Variants in CSMD1 observed in about 807,000 individuals in gnomAD.
The protein encoded by CSMD1 is CUB and Sushi multiple domains 1, also known as CUB and sushi domain-containing protein 1.
CSMD1 carries 213 observed loss-of-function variants against 417.5 expected under a neutral mutation model. The observed-to-expected ratio is 0.51, with a 90% CI of 0.46 to 0.57. The LOEUF (loss-of-function observed/expected upper bound fraction) is 0.57, where lower values mean the gene tolerates loss of function less well. CSMD1 is among the 20% of genes least tolerant of loss of function. CSMD1 has a pLI of 0.00. For synonymous variants in CSMD1, 2,862 were observed against 1,736.8 expected (o/e 1.65, Z -16.11); for missense variants, 6,923 against 4,529.7 (o/e 1.53, Z -15.17).
chr8:2,996,918 C>T (rs1464789336), intron 54 of CSMD1, among the ~76,000 whole-genome samples: 1 of 152,162 alleles, frequency 6.6e-6, no homozygotes. Flanking sequence ...TGGAGGGAGA[C>T]CATGTTTGGA....
chr8:4,778,643 T>C (rs1462005669), intron 1 of CSMD1, among the ~76,000 whole-genome samples: 1 of 152,190 alleles, frequency 6.6e-6, no homozygotes, highest in African/African-American at 2.4e-5. Context: ...CTGACCTTCA[T>C]GGGAGTGGTC....
chr8:3,674,467 C>A (rs1259352147), intron 7 of CSMD1, among the ~76,000 whole-genome samples: 1 of 151,704 alleles, frequency 6.6e-6, no homozygotes, highest in African/African-American at 2.4e-5. Flanking sequence ...TTATTATAAA[C>A]AAAAAATGAT....
intron 3 of CSMD1, among the ~76,000 whole-genome samples, chr8:4,405,322 TC>T (rs1443467423): frequency 6.6e-6 from 1 of 151,658 alleles, no homozygotes; most frequent in African/African-American, 2.4e-5. Flanking sequence ...AGTTTTTTTC[TC>T]ATTTTTTTTT....
At position 3,560,221 on chromosome 8, in the gene CSMD1, G is replaced by C. The variant is rs77860623; in HGVS notation, c.1344+14724C>G. Among the ~76,000 whole-genome samples, 121 of 152,186 alleles carry C rather than the reference G, an allele frequency of 8.0e-4. 1 individual carries two copies. In the East Asian group the frequency reaches 0.016, roughly 20 times the overall value. ...GCAAAGAAATTCAAGGTCCAAAGAA[G>C]AAATTATATTAATAGAAGGATAATA... On this transcript the variant is annotated intron_variant, in intron 10 of 69. Coordinates refer to ENST00000635120, the MANE Select transcript of CSMD1 (RefSeq NM_033225.6).
At chr8:4,835,485 T>C (rs889190337) in intron 1 of CSMD1, among the ~76,000 whole-genome samples, 1 of 152,186 alleles carries the variant, frequency 6.6e-6, no homozygotes, top group African/African-American at 2.4e-5. Context: ...TTATGTTGAA[T>C]TTGAGATGCC....
chr8:3,182,317 G>A (rs1305366031), intron 36 of CSMD1, among the ~76,000 whole-genome samples: 3 of 152,044 alleles, frequency 2.0e-5, no homozygotes. Context: ...CACAATCTTG[G>A]GATTCTCCTG....
intron 8 of CSMD1, among the ~76,000 whole-genome samples, chr8:3,604,345 G>C (rs1360758575): frequency 6.6e-6 from 1 of 152,172 alleles, no homozygotes; most frequent in Non-Finnish European, 1.5e-5. Context: ...CCAGGAAGTA[G>C]CACGGAACAG....
At chr8:4,973,705 G>A (rs1047012232) in intron 1 of CSMD1, among the ~76,000 whole-genome samples, 1 of 152,100 alleles carries the variant, frequency 6.6e-6, no homozygotes, top group Non-Finnish European at 1.5e-5. Flanking sequence ...AGCTCTTCAA[G>A]GCTTATGTTG....
In CSMD1 at chr8:3,540,762, A is replaced by C. The variant is rs139284345; in HGVS notation, c.1344+34183T>G. On this transcript the variant is annotated intron_variant, in intron 10 of 69. Transcript: ENST00000635120. ...ACTTCTCAAAAGAAGACATCCATGC[A>C]GTCAACAAACATGAAAAAAAGCTCA... Among the ~76,000 whole-genome samples, 1,101 of 152,368 alleles carry C rather than the reference A, an allele frequency of 7.2e-3. 11 individuals are homozygous for C. Among genetic ancestry groups the C allele is most frequent in the African/African-American group, 0.025 (1,039 of 41,584 alleles).
At chr8:3,728,511 G>C (rs1219935672) in intron 6 of CSMD1, among the ~76,000 whole-genome samples, 1 of 152,182 alleles carries the variant, frequency 6.6e-6, no homozygotes, top group Admixed American at 6.5e-5. Context: ...ATAAAACTTA[G>C]CACTTTTCTT....
intron 3 of CSMD1, among the ~76,000 whole-genome samples, chr8:4,240,810 T>C (rs186655687): frequency 2.0e-5 from 3 of 152,276 alleles, no homozygotes; most frequent in African/African-American, 7.2e-5. Flanking sequence ...ATACTATCTA[T>C]TTTTTTATTT....
intron 3 of CSMD1, among the ~76,000 whole-genome samples, chr8:4,217,083 T>C (rs1346713862): frequency 1.3e-5 from 2 of 152,222 alleles, no homozygotes; most frequent in African/African-American, 2.4e-5. Context: ...TTATACAATA[T>C]AGTAGATAGG....
intron 3 of CSMD1, among the ~76,000 whole-genome samples, chr8:4,188,378 G>A (rs769498006): frequency 6.6e-6 from 1 of 152,152 alleles, no homozygotes; most frequent in Non-Finnish European, 1.5e-5. Flanking sequence ...CTGCATAATA[G>A]CAAACAACAC....
chr8:4,951,414 T>G (rs796599455), intron 1 of CSMD1, among the ~76,000 whole-genome samples: 5 of 143,114 alleles, frequency 3.5e-5, no homozygotes, highest in African/African-American at 1.3e-4. Flanking sequence ...TACTACCTTC[T>G]ATTAAAAAAA....
At chr8:4,369,119 G>A (rs768148845) in intron 3 of CSMD1, among the ~76,000 whole-genome samples, 3 of 152,152 alleles carry the variant, frequency 2.0e-5, no homozygotes, top group Non-Finnish European at 4.4e-5. Flanking sequence ...TGATTTAGCT[G>A]TTTCCCAGAG....
intron 3 of CSMD1, among the ~76,000 whole-genome samples, chr8:4,279,509 A>G (rs778379897): frequency 2.0e-5 from 3 of 152,156 alleles, no homozygotes; most frequent in African/African-American, 4.8e-5. Flanking sequence ...TTTATTACTC[A>G]ATGTCAATAC....
intron 3 of CSMD1, among the ~76,000 whole-genome samples, chr8:4,402,868 G>A (rs1804743019): frequency 7.3e-6 from 1 of 136,242 alleles, no homozygotes; most frequent in Non-Finnish European, 1.5e-5. Flanking sequence ...TTGCCAGGCT[G>A]GAGTGCAGCG....
At chr8:4,870,017 G>A (rs1297339618) in intron 1 of CSMD1, among the ~76,000 whole-genome samples, 1 of 151,956 alleles carries the variant, frequency 6.6e-6, no homozygotes, top group Non-Finnish European at 1.5e-5. Context: ...CGTTTTTATG[G>A]ACAACCGTAA....
intron 1 of CSMD1, among the ~76,000 whole-genome samples, chr8:4,673,337 T>C (rs1029498853): frequency 6.6e-6 from 1 of 152,096 alleles, no homozygotes; most frequent in South Asian, 2.1e-4. Context: ...GCAAAGTTAG[T>C]TTTACAGATC....
Sources: allele counts gnomAD v4.1 joint callset (sites outside exome capture counted in the v4.1 genomes callset), GRCh38; gene constraint gnomAD v4.1.1; transcripts MANE v1.5; gene names NCBI Gene and HGNC (gene_info 2026-07-23, HGNC 2026-07-21).